Variants in PHIP observed in about 807,000 individuals in gnomAD.
PHIP encodes PH-interacting protein.
PHIP carries 54 observed loss-of-function variants against 236.8 expected under a neutral mutation model. The observed-to-expected ratio is 0.23, with a 90% CI of 0.18 to 0.29. PHIP has a LOEUF of 0.29. Among genes scored for constraint, PHIP ranks in the 10% least tolerant of loss-of-function variants. PHIP has a pLI of 1.00. For missense variants in PHIP, 1,370 were observed against 2,190.8 expected, an observed-to-expected ratio of 0.63 and a Z score of 7.48; for synonymous variants, 756 against 718.9, an observed-to-expected ratio of 1.05 and a Z score of -0.83.
In PHIP at chr6:79,003,741, T is replaced by G. The variant is rs1770138882; in HGVS notation, c.1642A>C (p.Lys548Gln). ...TCATCATACTCTACCTTGTCATATT[T>G]GCTACTGGACCCAAAGCCAAAAATT... is the stretch of plus-strand genomic sequence containing the variant. ...LLIFGFGSSS[K>Q]YDKIADQMFF... The change falls in exon 16 of 40, where the codon AAA becomes CAA. Residue 548 changes from lysine to glutamine, a missense_variant. Around this residue, in one of 14 missense-constraint regions of PHIP, gnomAD observed 2 missense variants for 34.5 expected, o/e 0.06. Transcript: ENST00000275034. The G allele has an allele frequency of 3.7e-6, 6 of 1,604,922 alleles. No individual in the cohort carries two copies. The Admixed American group carries it at 1.0e-4, about 27-fold the overall frequency.
chr6:78,967,610 TA>T (rs756694850), intron 27 of PHIP, among the ~76,000 whole-genome samples: 1 of 152,204 alleles, frequency 6.6e-6, no homozygotes, highest in Non-Finnish European at 1.5e-5. Flanking sequence ...TCCTCAGATA[TA>T]AAAGATTAAT....
chr6:79,045,383 T>A (rs753966439), intron 6 of PHIP, among the ~76,000 whole-genome samples: 1 of 152,178 alleles, frequency 6.6e-6, no homozygotes, highest in Admixed American at 6.6e-5. Context: ...GATAGAAGGA[T>A]GAGCTAGGAC....
intron 6 of PHIP, among the ~76,000 whole-genome samples, chr6:79,047,556 G>C (rs989358371): frequency 1.3e-5 from 2 of 152,144 alleles, no homozygotes; most frequent in African/African-American, 4.8e-5. Flanking sequence ...AAGTCTGACA[G>C]ACCTGTGTTC....
chr6:78,944,245 TAA>T (rs1773679547), intron 39 of PHIP, among the ~76,000 whole-genome samples: 1 of 152,128 alleles, frequency 6.6e-6, no homozygotes, highest in South Asian at 2.1e-4. Context: ...AGCCAAGTAA[TAA>T]AGAGTCTTGT....
In PHIP at chr6:78,937,443, T is replaced by G. The variant is rs1263165628; in HGVS notation, c.*3250A>C. On this transcript the variant is annotated 3_prime_UTR_variant, in exon 40 of 40. Coordinates refer to ENST00000275034, the MANE Select transcript of PHIP (RefSeq NM_017934.7). ...TACTGCACTGCAGATGAGGGACAGT[T>G]CTAGATGTTAACATACATGCTGCAT... is the stretch of plus-strand genomic sequence containing the variant. 3 of 151,730 alleles carry G rather than the reference T, an allele frequency of 2.0e-5. No homozygotes were observed. Among genetic ancestry groups the G allele is most frequent in the African/African-American group, 7.2e-5 (3 of 41,422 alleles). The allele number at this position is 151,730 out of a possible 1,614,324, so 9.4% of individuals were successfully genotyped here.
At chr6:78,985,052 T>C (rs921704285) in intron 22 of PHIP, among the ~76,000 whole-genome samples, 5 of 152,228 alleles carry the variant, frequency 3.3e-5, no homozygotes, top group Non-Finnish European at 5.9e-5. Context: ...TTTCTTAACT[T>C]CATACTTTTC....
At chr6:79,071,071 A>C (rs1165903866) in intron 4 of PHIP, among the ~76,000 whole-genome samples, 1 of 152,204 alleles carries the variant, frequency 6.6e-6, no homozygotes, top group African/African-American at 2.4e-5. Flanking sequence ...AAGAAGCTGC[A>C]TTCGACTATG....
chr6:79,025,911 CA>C (rs1771378178), intron 8 of PHIP, 31 bp downstream of exon 8: 2 of 1,412,988 alleles, frequency 1.4e-6, no homozygotes, highest in Admixed American at 3.7e-5. Flanking sequence ...ACAACAACAA[CA>C]ACAACAATGT....
chr6:79,062,526 C>T (rs539821202), intron 4 of PHIP, among the ~76,000 whole-genome samples: 1 of 152,076 alleles, frequency 6.6e-6, no homozygotes, highest in Non-Finnish European at 1.5e-5. Flanking sequence ...AAAAATTTTA[C>T]TTTAAAGAAG....
intron 6 of PHIP, among the ~76,000 whole-genome samples, chr6:79,054,089 T>C (rs192397234): frequency 1.3e-4 from 19 of 151,650 alleles, no homozygotes; most frequent in Middle Eastern, 3.4e-3. Flanking sequence ...ATCTGATACT[T>C]TGGCATAATG....
At chr6:79,077,313 T>A (rs1774220253) in intron 4 of PHIP, 135 bp downstream of exon 4, 2 of 821,810 alleles carry the variant, frequency 2.4e-6, no homozygotes, top group Non-Finnish European at 2.0e-6. Flanking sequence ...CGCGCCGGCC[T>A]CCCAACCCTC....
intron 19 of PHIP, among the ~76,000 whole-genome samples, chr6:78,996,365 T>C (rs1769616920): frequency 6.6e-6 from 1 of 152,218 alleles, no homozygotes; most frequent in Non-Finnish European, 1.5e-5. Flanking sequence ...GTTACTGATA[T>C]GGGTTTTATT....
Position 79,078,145 on chromosome 6 carries a change from C to T in PHIP, c.-77G>A. 3 of 1,439,178 alleles carry T rather than the reference C, an allele frequency of 2.1e-6. No individual in the cohort carries two copies. The highest frequency in any genetic ancestry group is 2.4e-5 in the East Asian group (1 of 42,168). The allele number at this position is 1,439,178 out of a possible 1,614,324, so 89.2% of individuals were successfully genotyped here. On this transcript the variant is annotated 5_prime_UTR_variant, in exon 1 of 40. Coordinates refer to ENST00000275034, the MANE Select transcript of PHIP (RefSeq NM_017934.7). ...AGCGGGGACGGTGCCGCCGCCTGCC[C>T]TATAGCTGTCAGTGTGTGTTCACGA...
At chr6:79,070,968 A>C (rs993641155) in intron 4 of PHIP, among the ~76,000 whole-genome samples, 1 of 152,180 alleles carries the variant, frequency 6.6e-6, no homozygotes, top group African/African-American at 2.4e-5. Flanking sequence ...TTCTGCAAAA[A>C]AACCTGCCAT....
intron 16 of PHIP, among the ~76,000 whole-genome samples, chr6:79,003,286 T>C (rs1388583152): frequency 6.6e-6 from 1 of 151,998 alleles, no homozygotes; most frequent in Non-Finnish European, 1.5e-5. Context: ...GGATCTTTAA[T>C]AAAAAACATT....
chr6:79,060,424 T>C (rs2127772327), intron 6 of PHIP, 54 bp downstream of exon 6: 1 of 1,245,994 alleles, frequency 8.0e-7, no homozygotes. Flanking sequence ...CTTTTCATTT[T>C]CAAAAGCTCT....
intron 20 of PHIP, among the ~76,000 whole-genome samples, chr6:78,990,475 A>G (rs1769163029): frequency 1.3e-5 from 2 of 152,188 alleles, no homozygotes; most frequent in Admixed American, 1.3e-4. Flanking sequence ...TAGCAGCATT[A>G]GCTGACTTGA....
intron 13 of PHIP, among the ~76,000 whole-genome samples, chr6:79,016,189 A>C (rs910743010): frequency 6.6e-6 from 1 of 152,020 alleles, no homozygotes. Context: ...TAACAGCTAC[A>C]ACACGCAGTT....
intron 35 of PHIP, among the ~76,000 whole-genome samples, chr6:78,953,599 C>T (rs188469368): frequency 2.8e-4 from 42 of 152,284 alleles, no homozygotes; most frequent in East Asian, 1.9e-3. Flanking sequence ...CAATTTATCA[C>T]GCCGCTGGAA....
Sources: gnomAD v4.1 joint callset for allele counts (sites outside exome capture counted in the v4.1 genomes callset) on GRCh38, gnomAD v4.1.1 for gene constraint, gnomAD v4.1.1 regional missense constraint, MANE v1.5 for transcripts, NCBI Gene and HGNC (gene_info 2026-07-23, HGNC 2026-07-21) for gene names.